ARIH2: variants seen among roughly 807,000 people sequenced by gnomAD.
The protein encoded by ARIH2 is ariadne RBR E3 ubiquitin protein ligase 2.
A neutral mutation model predicts 79.8 loss-of-function variants in ARIH2; 12 were observed. The ratio of observed to expected loss-of-function variants is 0.15; its 90% confidence interval spans 0.10 to 0.24. The LOEUF (loss-of-function observed/expected upper bound fraction) is 0.24, where lower values mean the gene tolerates loss of function less well. ARIH2 is among the 10% of genes least tolerant of loss of function. The pLI is 1.00. For missense variants in ARIH2, 301 were observed against 618.3 expected, an observed-to-expected ratio of 0.49 and a Z score of 5.44; for synonymous variants, 224 against 213.9, an observed-to-expected ratio of 1.05 and a Z score of -0.41.
chr3:48,934,488 G>T, intron 3 of ARIH2: 1 of 985,298 alleles, frequency 1.0e-6, no homozygotes, highest in Non-Finnish European at 1.2e-6. Flanking sequence ...GCTGGGCCTG[G>T]TTACACTGAG....
intron 3 of ARIH2, among the ~76,000 whole-genome samples, chr3:48,958,816 A>T (rs2090911361): frequency 6.6e-6 from 1 of 152,140 alleles, no homozygotes; most frequent in South Asian, 2.1e-4. Context: ...GGAGTTCAGG[A>T]CTGAACTAGG....
intron 1 of ARIH2, chr3:48,922,459 C>A (rs1169463757): frequency 2.6e-5 from 4 of 152,134 alleles, no homozygotes; most frequent in African/African-American, 9.7e-5. Context: ...GCTCGAACTC[C>A]TGACCTCAGG....
Position 48,973,775 on chromosome 3 carries a change from G to A in ARIH2, c.847G>A (p.Asp283Asn), listed in dbSNP as rs866392304. ...GAAATGGCTCACGAAGTGTGCAGAC[G>A]ACTCTGAAACAGCCAACTACATTAG... Reference protein sequence around the residue: ...IRKWLTKCADDSETANYISAH... With the variant: ...IRKWLTKCADNSETANYISAH... Residue 283 changes from aspartate (D) to asparagine (N), a missense_variant, in exon 9 of 16, where the codon GAC becomes AAC. By Grantham distance (23) the Asp-to-Asn change is conservative. This residue lies in a region of ARIH2 where 78 missense variants were observed against 268.9 expected (regional missense o/e 0.29). Transcript: ENST00000356401. 2 of 1,614,076 alleles carry A rather than the reference G, an allele frequency of 1.2e-6. No individual in the cohort carries two copies. The highest frequency in any genetic ancestry group is 1.7e-6 in the Non-Finnish European group (2 of 1,180,000).
intron 11 of ARIH2, among the ~76,000 whole-genome samples, chr3:48,977,647 C>T (rs975451721): frequency 6.6e-6 from 1 of 152,102 alleles, no homozygotes; most frequent in Admixed American, 6.6e-5. Flanking sequence ...TTGGTAGAGA[C>T]GGGGTTTCAC....
At chr3:48,978,415 T>TTGTGTGTG (rs34142276) in intron 11 of ARIH2, among the ~76,000 whole-genome samples, 3 of 90,622 alleles carry the variant, frequency 3.3e-5, no homozygotes, top group Non-Finnish European at 6.6e-5. Flanking sequence ...CCTGGCTAAT[T>TTGTGTGTG]TGTGTATGTG....
At chr3:48,934,423 TTTGTTG>T (rs899852975) in intron 3 of ARIH2, 2 of 982,354 alleles carry the variant, frequency 2.0e-6, no homozygotes, top group Admixed American at 6.2e-5. Flanking sequence ...CCAATAATGG[TTTGTTG>T]TTGTTGTTGT....
At chr3:48,964,791 A>G (rs567731791) in intron 4 of ARIH2, 128 bp from the exon 5 acceptor site, 5 of 655,262 alleles carry the variant, frequency 7.6e-6, no homozygotes, top group Non-Finnish European at 1.3e-5. Flanking sequence ...CTGAGATAAA[A>G]GGAAGCTTAG....
At chr3:48,939,345 G>T (rs2087681890) in intron 3 of ARIH2, among the ~76,000 whole-genome samples, 1 of 151,984 alleles carries the variant, frequency 6.6e-6, no homozygotes, top group Admixed American at 6.6e-5. Flanking sequence ...TTATCATCTG[G>T]GGGCCCTTGA....
chr3:48,977,950 G>C (rs1264386310), intron 11 of ARIH2, among the ~76,000 whole-genome samples: 1 of 152,166 alleles, frequency 6.6e-6, no homozygotes, highest in Non-Finnish European at 1.5e-5. Flanking sequence ...TATCCCTGGA[G>C]AGTGAATCCT....
At position 48,983,856 on chromosome 3, in the gene ARIH2, C is replaced by CATGGAGCACA. The variant is rs898143088; in HGVS notation, c.*588_*597dup. The CATGGAGCACA allele has an allele frequency of 1.3e-5, 2 of 154,280 alleles. No homozygotes were observed. The highest frequency in any genetic ancestry group is 4.8e-5 in the African/African-American group (2 of 41,432). 9.6% of individuals were successfully genotyped at this position (154,280 alleles called of 1,614,324 possible). A position where few individuals can be genotyped will look rare whatever the true frequency, so the allele number is the denominator to read the frequency against. On this transcript the variant is annotated 3_prime_UTR_variant, in exon 16 of 16. Coordinates refer to ENST00000356401, the MANE Select transcript of ARIH2 (RefSeq NM_006321.4). The stretch of plus-strand genomic sequence containing the variant: ...GAATTGAACTGGCCTGTGCAATGGG[C>CATGGAGCACA]ATGGAGCACAAGGGGTCACAGCATG...
intron 5 of ARIH2, among the ~76,000 whole-genome samples, chr3:48,965,995 C>A (rs974829156): frequency 2.0e-5 from 3 of 152,012 alleles, no homozygotes; most frequent in African/African-American, 7.2e-5. Flanking sequence ...TCTGACAAAG[C>A]CTGTCTCCTG....
intron 14 of ARIH2, among the ~76,000 whole-genome samples, chr3:48,982,547 A>G (rs181528163): frequency 6.6e-6 from 1 of 152,318 alleles, no homozygotes; most frequent in African/African-American, 2.4e-5. Context: ...GAAAAAAATG[A>G]AGTGATAGTG....
chr3:48,961,613 T>C lies in ARIH2; in HGVS notation c.257T>C (p.Val86Ala). ...HMTSLASVLKVSHSVAKLILV... is the reference protein window; with the variant it reads ...HMTSLASVLKASHSVAKLILV... Reference sequence around the variant, plus strand: ...ATTTTTTTTCTTTCTTCTTTCTAGGTATCTCATTCAGTTGCTAAACTTATA... The same window carrying C: ...ATTTTTTTTCTTTCTTCTTTCTAGGCATCTCATTCAGTTGCTAAACTTATA... The change falls in exon 4 of 16, where the codon GTA becomes GCA. Residue 86 changes from valine (V) to alanine (A), a missense_variant and splice_region_variant. Val to Ala is a moderately conservative substitution (Grantham distance 64, BLOSUM62 0). This residue lies in a region of ARIH2 where 223 missense variants were observed against 349.4 expected (regional missense o/e 0.64). Transcript: ENST00000356401. 6.3e-7 allele frequency: 1 copy of C among 1,586,530 alleles called. No homozygotes were observed. Among genetic ancestry groups the C allele is most frequent in the Non-Finnish European group, 8.7e-7 (1 of 1,155,546 alleles).
chr3:48,929,571 A>C (rs2086106948), intron 3 of ARIH2, among the ~76,000 whole-genome samples: 1 of 152,132 alleles, frequency 6.6e-6, no homozygotes, highest in South Asian at 2.1e-4. Context: ...CTGTGTCCAA[A>C]GAATACAGCT....
At chr3:48,969,802 C>G (rs953872570) in intron 7 of ARIH2, among the ~76,000 whole-genome samples, 2 of 151,776 alleles carry the variant, frequency 1.3e-5, no homozygotes, top group African/African-American at 4.8e-5. Flanking sequence ...TGGTCTGGGT[C>G]TTGTCATGCA....
intron 3 of ARIH2, among the ~76,000 whole-genome samples, chr3:48,938,942 A>G (rs1194023551): frequency 1.3e-5 from 2 of 148,160 alleles, no homozygotes; most frequent in East Asian, 2.0e-4. Flanking sequence ...AAAAAAAACC[A>G]ACTACATAAA....
rs1434397417 is a variant in ARIH2 at position 48,961,687 on chromosome 3, A to G, written c.323+8A>G. ...TTCAGAGATATTGGACAGGTAAGGT[A>G]TTTGGGGGAGGAGAGAGAACATTGC... On this transcript the variant is annotated splice_region_variant and intron_variant, in intron 4 of 15. Transcript: ENST00000356401. The G allele has an allele frequency of 1.3e-6, 2 of 1,594,668 alleles. No individual in the cohort carries two copies. Among genetic ancestry groups the G allele is most frequent in the Admixed American group, 1.7e-5 (1 of 59,968 alleles).
At chr3:48,976,265 A>G (rs1201050819) in intron 11 of ARIH2, among the ~76,000 whole-genome samples, 1 of 146,432 alleles carries the variant, frequency 6.8e-6, no homozygotes, top group African/African-American at 2.6e-5. Flanking sequence ...TCAGGCTGGA[A>G]TGCAATGGTG....
intron 3 of ARIH2, among the ~76,000 whole-genome samples, chr3:48,958,616 A>C (rs1002420888): frequency 1.3e-5 from 2 of 151,784 alleles, no homozygotes; most frequent in Admixed American, 6.6e-5. Flanking sequence ...AGGCTGAGGC[A>C]GAGAATTGCT....
Sources: gnomAD v4.1 joint callset for allele counts (sites outside exome capture counted in the v4.1 genomes callset) on GRCh38, gnomAD v4.1.1 for gene constraint, gnomAD v4.1.1 regional missense constraint, MANE v1.5 for transcripts, NCBI Gene and HGNC (gene_info 2026-07-23, HGNC 2026-07-21) for gene names.